The following MACROD2 variants were observed in gnomAD, a reference collection of about 807,000 sequenced individuals.
MACROD2 encodes the protein mono-ADP ribosylhydrolase 2, also known as ADP-ribose glycohydrolase MACROD2.
In MACROD2, 36 loss-of-function variants were observed where a neutral mutation model predicts 70.4. That is an observed-to-expected ratio of 0.51 (90% CI 0.39 to 0.68). The LOEUF is 0.68. Ranked by LOEUF, MACROD2 falls within the 30% of genes least tolerant of loss-of-function variation. MACROD2 has a pLI of 0.00. For synonymous variants in MACROD2, 172 were observed against 178.8 expected, an observed-to-expected ratio of 0.96 and a Z score of 0.30; for missense variants, 496 against 538.4, an observed-to-expected ratio of 0.92 and a Z score of 0.78.
At chr20:14,543,550 GT>G (rs1600365670) in intron 4 of MACROD2, among the ~76,000 whole-genome samples, 1 of 152,018 alleles carries the variant, frequency 6.6e-6, no homozygotes, top group African/African-American at 2.4e-5. Context: ...GAAAAGTTCT[GT>G]TTTTCTCTCA....
chr20:14,143,371 T>C (rs1284692039), intron 3 of MACROD2, among the ~76,000 whole-genome samples: 1 of 152,204 alleles, frequency 6.6e-6, no homozygotes, highest in East Asian at 1.9e-4. Context: ...TGTAACCACC[T>C]TGTAGCAACA....
chr20:14,953,231 G>A (rs2074489510), intron 5 of MACROD2, among the ~76,000 whole-genome samples: 1 of 152,150 alleles, frequency 6.6e-6, no homozygotes, highest in East Asian at 1.9e-4. Context: ...TTTCCATAAA[G>A]TGTGAAAGGT....
At chr20:14,972,508 A>G (rs899660709) in intron 5 of MACROD2, among the ~76,000 whole-genome samples, 1 of 152,142 alleles carries the variant, frequency 6.6e-6, no homozygotes, top group Non-Finnish European at 1.5e-5. Context: ...CCCTTTACAT[A>G]TATTTTACAT....
At chr20:15,648,236 G>A (rs2049583669) in intron 8 of MACROD2, among the ~76,000 whole-genome samples, 1 of 152,154 alleles carries the variant, frequency 6.6e-6, no homozygotes, top group East Asian at 1.9e-4. Context: ...TAATTTTTAG[G>A]TGGTTAACTT....
intron 3 of MACROD2, among the ~76,000 whole-genome samples, chr20:14,264,900 G>C (rs1358570327): frequency 6.6e-6 from 1 of 152,202 alleles, no homozygotes; most frequent in Non-Finnish European, 1.5e-5. Context: ...TGATAGATGA[G>C]ACTGAATTTT....
chr20:15,031,515 A>G (rs2075274040), intron 5 of MACROD2, among the ~76,000 whole-genome samples: 1 of 152,162 alleles, frequency 6.6e-6, no homozygotes, highest in African/African-American at 2.4e-5. Context: ...CATAGTGGGT[A>G]GCACCTTTCC....
chr20:14,344,875 C>T (rs1322723399), intron 3 of MACROD2, among the ~76,000 whole-genome samples: 2 of 152,180 alleles, frequency 1.3e-5, no homozygotes, highest in Non-Finnish European at 2.9e-5. Flanking sequence ...GTTTGAGCAG[C>T]TTTGGATGTA....
At chr20:14,132,955 G>C (rs1569172814) in intron 3 of MACROD2, among the ~76,000 whole-genome samples, 1 of 152,110 alleles carries the variant, frequency 6.6e-6, no homozygotes, top group Admixed American at 6.6e-5. Flanking sequence ...ATTTGTTTAA[G>C]TAAAATGACT....
At chr20:15,586,693 G>A (rs1349058342) in intron 8 of MACROD2, among the ~76,000 whole-genome samples, 1 of 152,058 alleles carries the variant, frequency 6.6e-6, no homozygotes, top group Admixed American at 6.6e-5. Flanking sequence ...AGAAAGCCCA[G>A]GAGAAGCAAA....
chr20:15,384,401 C>T (rs527519251), intron 6 of MACROD2, among the ~76,000 whole-genome samples: 1 of 152,156 alleles, frequency 6.6e-6, no homozygotes, highest in Admixed American at 6.5e-5. Context: ...GTTGGGACCA[C>T]AGGTATGCAC....
intron 5 of MACROD2, among the ~76,000 whole-genome samples, chr20:14,694,021 C>T (rs538644046): frequency 6.6e-6 from 1 of 152,254 alleles, no homozygotes; most frequent in Non-Finnish European, 1.5e-5. Context: ...GTGAGGAAGA[C>T]AGCAGGCCCC....
At chr20:14,840,970 G>A (rs1175155443) in intron 5 of MACROD2, among the ~76,000 whole-genome samples, 2 of 152,074 alleles carry the variant, frequency 1.3e-5, no homozygotes, top group Non-Finnish European at 2.9e-5. Context: ...ACTGTATGAC[G>A]TGAAACGAGT....
Position 15,072,359 on chromosome 20 carries a change from C to T in MACROD2, c.419-157581C>T, listed in dbSNP as rs560615448. Among the ~76,000 whole-genome samples the T allele has an allele frequency of 1.2e-3, 176 of 152,178 alleles. 1 individual carries two copies. Among genetic ancestry groups the T allele is most frequent in the Non-Finnish European group, 1.7e-3 (116 of 67,990 alleles). ...TTTGTATGGTTAATCCATTTAAAGACAGACAGGATAATTCATTTTTCACTG... is the reference window on the plus strand; with the variant it reads ...TTTGTATGGTTAATCCATTTAAAGATAGACAGGATAATTCATTTTTCACTG... On this transcript the variant is annotated intron_variant, in intron 5 of 17. Coordinates refer to ENST00000684519, the MANE Select transcript of MACROD2 (RefSeq NM_001351661.2).
intron 4 of MACROD2, among the ~76,000 whole-genome samples, chr20:14,504,339 T>C (rs994018039): frequency 6.6e-6 from 1 of 152,210 alleles, no homozygotes; most frequent in Non-Finnish European, 1.5e-5. Context: ...TCTTCTCATT[T>C]TACAGATGGA....
chr20:15,537,594 C>T (rs2047894455), intron 8 of MACROD2, among the ~76,000 whole-genome samples: 1 of 151,122 alleles, frequency 6.6e-6, no homozygotes, highest in African/African-American at 2.4e-5. Context: ...GTGCCTCAGT[C>T]TCCCAAATAG....
intron 7 of MACROD2, among the ~76,000 whole-genome samples, chr20:15,448,248 CTCTT>C (rs1288178430): frequency 2.6e-5 from 4 of 152,116 alleles, no homozygotes; most frequent in African/African-American, 9.7e-5. Context: ...GTGCCTGACT[CTCTT>C]TCAGTCTGTC....
At chr20:15,777,943 AC>A (rs1393772283) in intron 8 of MACROD2, among the ~76,000 whole-genome samples, 1 of 151,990 alleles carries the variant, frequency 6.6e-6, no homozygotes, top group Non-Finnish European at 1.5e-5. Flanking sequence ...GAGCCACTGC[AC>A]CCCACCAGAG....
chr20:15,606,871 G>A lies in MACROD2; in HGVS notation c.645+107024G>A, dbSNP rs375671056. ...TGCAAAATTAGCTGGGTGTGGTGGCGCATGCCTTTAATCCCAGCTACTCGG... is the reference window on the plus strand; with the variant it reads ...TGCAAAATTAGCTGGGTGTGGTGGCACATGCCTTTAATCCCAGCTACTCGG... On this transcript the variant is annotated intron_variant, in intron 8 of 17. Coordinates refer to ENST00000684519, the MANE Select transcript of MACROD2 (RefSeq NM_001351661.2). Among the ~76,000 whole-genome samples, 18 of 152,054 alleles carry A rather than the reference G, an allele frequency of 1.2e-4. No individual in the cohort carries two copies. The East Asian group carries it at 1.7e-3, about 15-fold the overall frequency.
intron 4 of MACROD2, among the ~76,000 whole-genome samples, chr20:14,644,628 A>G (rs1246656997): frequency 6.6e-6 from 1 of 152,194 alleles, no homozygotes; most frequent in Admixed American, 6.5e-5. Flanking sequence ...TGTTTATCGA[A>G]TATGGAATTA....
Sources: allele counts gnomAD v4.1 joint callset (sites outside exome capture counted in the v4.1 genomes callset), GRCh38; gene constraint gnomAD v4.1.1; transcripts MANE v1.5; gene names NCBI Gene and HGNC (gene_info 2026-07-23, HGNC 2026-07-21).